GRIA4: variants seen among roughly 807,000 people sequenced by gnomAD.
GRIA4 encodes glutamate ionotropic receptor AMPA type subunit 4.
Under a neutral mutation model 104.0 loss-of-function variants are expected in GRIA4, and 34 were observed. The ratio of observed to expected loss-of-function variants is 0.33; its 90% CI spans 0.25 to 0.44. GRIA4 has a LOEUF of 0.44. Ranked by LOEUF, GRIA4 falls within the 20% of genes least tolerant of loss-of-function variation. The pLI, the probability that GRIA4 is intolerant of heterozygous loss-of-function variation, is 1.00. For missense variants in GRIA4, 750 were observed against 1,096.5 expected (o/e 0.68, Z 4.46); for synonymous variants, 386 against 381.9 (o/e 1.01, Z -0.13).
intron 7 of GRIA4, among the ~76,000 whole-genome samples, chr11:105,899,754 T>C (rs1946790134): frequency 6.6e-6 from 1 of 152,216 alleles, no homozygotes; most frequent in Admixed American, 6.5e-5. Context: ...AACCTTGTTT[T>C]ATGGGTGTTT....
At chr11:105,856,005 A>C (rs1339826809) in intron 4 of GRIA4, among the ~76,000 whole-genome samples, 1 of 152,180 alleles carries the variant, frequency 6.6e-6, no homozygotes, top group African/African-American at 2.4e-5. Context: ...CACCAGTAGA[A>C]TAGATAGTAG....
At chr11:105,837,000 C>T (rs1198434464) in intron 4 of GRIA4, among the ~76,000 whole-genome samples, 2 of 152,110 alleles carry the variant, frequency 1.3e-5, no homozygotes, top group African/African-American at 4.8e-5. Flanking sequence ...TGACTCACAG[C>T]TCTGCATGGC....
intron 3 of GRIA4, among the ~76,000 whole-genome samples, chr11:105,729,651 T>C (rs1938458288): frequency 6.6e-6 from 1 of 152,202 alleles, no homozygotes; most frequent in Non-Finnish European, 1.5e-5. Flanking sequence ...ATTAAAAAGC[T>C]TATCCACCTG....
intron 11 of GRIA4, among the ~76,000 whole-genome samples, chr11:105,920,077 A>C (rs1947517256): frequency 6.6e-6 from 1 of 152,126 alleles, no homozygotes; most frequent in South Asian, 2.1e-4. Flanking sequence ...TGAAGCAATG[A>C]ACATTCTTTG....
chr11:105,980,052 G>T lies in GRIA4; in HGVS notation c.*313G>T. 1 of 253,192 alleles carries T rather than the reference G, an allele frequency of 3.9e-6. No individual in the cohort carries two copies. The highest frequency in any genetic ancestry group is 7.8e-6 in the Non-Finnish European group (1 of 128,526). The allele number at this position is 253,192 out of a possible 1,614,324, so 15.7% of individuals were successfully genotyped here. The stretch of plus-strand genomic sequence containing the variant: ...TTCGAGTGGACTCAAAAACTAATCA[G>T]ACTTATGAGTTAGCGCATTAAACTG... On this transcript the variant is annotated 3_prime_UTR_variant, in exon 17 of 17. Coordinates refer to ENST00000282499, the MANE Select transcript of GRIA4 (RefSeq NM_000829.4).
At chr11:105,940,746 C>T (rs538816169) in intron 14 of GRIA4, among the ~76,000 whole-genome samples, 2 of 152,132 alleles carry the variant, frequency 1.3e-5, no homozygotes, top group East Asian at 3.9e-4. Context: ...TCATCCACAA[C>T]TTTAGGTGTC....
At chr11:105,950,843 C>T (rs1948437786) in intron 14 of GRIA4, among the ~76,000 whole-genome samples, 1 of 151,996 alleles carries the variant, frequency 6.6e-6, no homozygotes, top group East Asian at 1.9e-4. Flanking sequence ...AGAAAATTTC[C>T]CACAGAGAGC....
At chr11:105,729,027 G>A (rs896902022) in intron 3 of GRIA4, among the ~76,000 whole-genome samples, 2 of 152,114 alleles carry the variant, frequency 1.3e-5, no homozygotes, top group African/African-American at 4.8e-5. Context: ...AGGAGATAGA[G>A]ACACGAAAAA....
At chr11:105,665,567 A>C (rs1418400397) in intron 3 of GRIA4, among the ~76,000 whole-genome samples, 2 of 151,956 alleles carry the variant, frequency 1.3e-5, no homozygotes, top group Non-Finnish European at 2.9e-5. Context: ...CTGAAAGTAC[A>C]AGGAGCCCAG....
chr11:105,623,090 T>C (rs10895844), intron 3 of GRIA4, among the ~76,000 whole-genome samples: 2,272 of 123,182 alleles, frequency 0.018, 44 homozygotes, highest in African/African-American at 0.043. Flanking sequence ...TATATATATA[T>C]ACCATATTTT....
chr11:105,824,218 T>A (rs1238839037), intron 4 of GRIA4, among the ~76,000 whole-genome samples: 2 of 152,054 alleles, frequency 1.3e-5, no homozygotes, highest in African/African-American at 4.8e-5. Context: ...AACAGTTCAG[T>A]TAGGCTTAAG....
chr11:105,873,083 C>T (rs1184315328), intron 5 of GRIA4, among the ~76,000 whole-genome samples: 1 of 152,124 alleles, frequency 6.6e-6, no homozygotes, highest in Non-Finnish European at 1.5e-5. Flanking sequence ...TAGCCCCCCA[C>T]TCCCTGACAG....
chr11:105,972,311 T>C (rs935015565), intron 15 of GRIA4, among the ~76,000 whole-genome samples: 1 of 152,178 alleles, frequency 6.6e-6, no homozygotes, highest in Admixed American at 6.5e-5. Flanking sequence ...CTCATAAAAG[T>C]AGTGTTTTTT....
At chr11:105,715,269 G>A (rs947655412) in intron 3 of GRIA4, among the ~76,000 whole-genome samples, 1 of 152,156 alleles carries the variant, frequency 6.6e-6, no homozygotes, top group Non-Finnish European at 1.5e-5. Flanking sequence ...AAGGCACGTT[G>A]TTGAGGACAT....
chr11:105,824,784 C>T (rs1943705934), intron 4 of GRIA4: 1 of 152,144 alleles, frequency 6.6e-6, no homozygotes, highest in Non-Finnish European at 1.5e-5. Context: ...TTTGAAGTAT[C>T]TCCACAATCA....
chr11:105,732,888 T>A (rs1296986832), intron 3 of GRIA4, among the ~76,000 whole-genome samples: 1 of 152,204 alleles, frequency 6.6e-6, no homozygotes, highest in Non-Finnish European at 1.5e-5. Flanking sequence ...CAGAAAAGAA[T>A]GACTAACATC....
At chr11:105,633,113 A>G (rs1053594376) in intron 3 of GRIA4, among the ~76,000 whole-genome samples, 3 of 152,202 alleles carry the variant, frequency 2.0e-5, no homozygotes, top group Admixed American at 2.0e-4. Context: ...ATTTTCTGTT[A>G]CAAGAAAGGT....
intron 14 of GRIA4, among the ~76,000 whole-genome samples, chr11:105,937,994 A>C (rs1948088923): frequency 6.6e-6 from 1 of 152,194 alleles, no homozygotes; most frequent in Non-Finnish European, 1.5e-5. Flanking sequence ...AATACTCAGC[A>C]TGGGAATTAG....
Position 105,975,276 on chromosome 11 carries a change from T to A in GRIA4, c.2544+832T>A, listed in dbSNP as rs112573525. 6.4e-3 allele frequency among the ~76,000 whole-genome samples: 974 copies of A among 152,228 alleles called. 7 individuals carry two copies. Among genetic ancestry groups the A allele is most frequent in the African/African-American group, 0.022 (908 of 41,554 alleles). On this transcript the variant is annotated intron_variant, in intron 16 of 16. Coordinates refer to ENST00000282499, the MANE Select transcript of GRIA4 (RefSeq NM_000829.4). ...TTTAGGCAATACAGCAGTTTTTCCA[T>A]CAGAGACGTCAGCAATATTTGTGTC...
Sources: gnomAD v4.1 joint callset for allele counts (sites outside exome capture counted in the v4.1 genomes callset) on GRCh38, gnomAD v4.1.1 for gene constraint, MANE v1.5 for transcripts, NCBI Gene and HGNC (gene_info 2026-07-23, HGNC 2026-07-21) for gene names.